CDC14B: variants seen among roughly 807,000 people sequenced by gnomAD.
The protein encoded by CDC14B is dual specificity protein phosphatase CDC14B.
Under a neutral mutation model 64.2 loss-of-function variants are expected in CDC14B, and 22 were observed. The ratio of observed to expected loss-of-function variants is 0.34; its 90% confidence interval spans 0.24 to 0.49. The LOEUF (loss-of-function observed/expected upper bound fraction) is 0.49, where lower values mean the gene tolerates loss of function less well. Ranked by LOEUF, CDC14B falls within the 20% of genes least tolerant of loss-of-function variation. The pLI is 0.99. For synonymous variants in CDC14B, 191 were observed against 215.8 expected, an observed-to-expected ratio of 0.89 and a Z score of 1.01; for missense variants, 498 against 629.9, an observed-to-expected ratio of 0.79 and a Z score of 2.24.
At chr9:96,533,269 T>G (rs1030669090) in intron 9 of CDC14B, among the ~76,000 whole-genome samples, 1 of 152,198 alleles carries the variant, frequency 6.6e-6, no homozygotes, top group Non-Finnish European at 1.5e-5. Flanking sequence ...ATGCCCGGCC[T>G]GGATTTATTT....
chr9:96,614,170 C>G (rs959355211), intron 1 of CDC14B, among the ~76,000 whole-genome samples: 3 of 152,052 alleles, frequency 2.0e-5, no homozygotes, highest in African/African-American at 7.2e-5. Flanking sequence ...AAATTTAACA[C>G]AAACCACCAA....
chr9:96,525,387 G>A (rs1837402919), intron 9 of CDC14B, among the ~76,000 whole-genome samples: 2 of 152,086 alleles, frequency 1.3e-5, no homozygotes, highest in Admixed American at 1.3e-4. Flanking sequence ...AGAAAAGGAA[G>A]GATGATCCCA....
chr9:96,578,395 G>A (rs540372017), intron 1 of CDC14B, among the ~76,000 whole-genome samples: 122 of 152,280 alleles, frequency 8.0e-4, no homozygotes, highest in African/African-American at 2.9e-3. Flanking sequence ...ATACAGTGTG[G>A]AAAGGGAAAA....
At chr9:96,616,763 T>C (rs1316546112) in intron 1 of CDC14B, among the ~76,000 whole-genome samples, 2 of 152,084 alleles carry the variant, frequency 1.3e-5, no homozygotes, top group East Asian at 3.9e-4. Context: ...TTTGACTTTT[T>C]AGAAGTGTGC....
At chr9:96,566,883 C>T in intron 1 of CDC14B, 3 of 1,562,854 alleles carry the variant, frequency 1.9e-6, no homozygotes, top group Non-Finnish European at 2.6e-6. Flanking sequence ...GGAGGCGCCG[C>T]GACCACACCC....
At chr9:96,615,666 A>G (rs1847580868) in intron 1 of CDC14B, among the ~76,000 whole-genome samples, 2 of 152,238 alleles carry the variant, frequency 1.3e-5, no homozygotes, top group African/African-American at 4.8e-5. Context: ...CGGCGTAGCC[A>G]TTCGGAAAAA....
chr9:96,586,136 T>C (rs1283195359), intron 1 of CDC14B, among the ~76,000 whole-genome samples: 1 of 152,088 alleles, frequency 6.6e-6, no homozygotes, highest in African/African-American at 2.4e-5. Context: ...AATCCATGCA[T>C]TTTACTGTAT....
At chr9:96,616,626 A>C (rs1847645235) in intron 1 of CDC14B, among the ~76,000 whole-genome samples, 3 of 151,748 alleles carry the variant, frequency 2.0e-5, no homozygotes, top group Admixed American at 6.6e-5. Context: ...TGGGAGGCTG[A>C]GGCAGGAGAA....
At chr9:96,587,186 AC>A (rs200993218) in intron 1 of CDC14B, among the ~76,000 whole-genome samples, 1 of 149,592 alleles carries the variant, frequency 6.7e-6, no homozygotes, top group African/African-American at 2.6e-5. Flanking sequence ...AACAAAAACA[AC>A]AAAAAAAAAG....
Position 96,515,912 on chromosome 9 carries a change from G to T in CDC14B, c.1344-6123C>A. 1.2e-6 allele frequency: 1 copy of T among 809,588 alleles called. No individual in the cohort carries two copies. Among genetic ancestry groups the T allele is most frequent in the Non-Finnish European group, 1.8e-6 (1 of 543,246 alleles). 50.2% of individuals were successfully genotyped at this position (809,588 alleles called of 1,614,324 possible). On this transcript the variant is annotated intron_variant, in intron 12 of 13. Transcript: ENST00000375241. This position sits in a 1 kb window ranked among gnomAD's most constrained non-coding sequence, Gnocchi z 4.3. ...AGACACCCTAAAAGCCCAGCCAACA[G>T]CAACAGGGATACAAAGGGGTGGTCA... is the stretch of plus-strand genomic sequence containing the variant.
At chr9:96,594,520 C>A (rs1845954909) in intron 1 of CDC14B, among the ~76,000 whole-genome samples, 1 of 151,838 alleles carries the variant, frequency 6.6e-6, no homozygotes, top group Admixed American at 6.6e-5. Context: ...AGTTTAAGAC[C>A]AGCCTAGGCA....
intron 5 of CDC14B, among the ~76,000 whole-genome samples, chr9:96,545,511 A>T (rs2131936017): frequency 6.6e-6 from 1 of 151,920 alleles, no homozygotes; most frequent in East Asian, 1.9e-4. Flanking sequence ...GTAGAGATGG[A>T]GTTTCACTGT....
At chr9:96,524,405 T>C (rs1256846322) in intron 9 of CDC14B, among the ~76,000 whole-genome samples, 1 of 152,222 alleles carries the variant, frequency 6.6e-6, no homozygotes. Flanking sequence ...AGAAAAACGG[T>C]ACCACCATCT....
At chr9:96,531,610 GT>G (rs1177042883) in intron 9 of CDC14B, among the ~76,000 whole-genome samples, 1 of 151,104 alleles carries the variant, frequency 6.6e-6, no homozygotes, top group African/African-American at 2.4e-5. Context: ...TTCTCTATTG[GT>G]TTTCTACTCT....
chr9:96,551,653 G>A, intron 5 of CDC14B, 143 bp downstream of exon 5: 1 of 1,184,448 alleles, frequency 8.4e-7, no homozygotes. Flanking sequence ...CAGTGTCACT[G>A]TGGAAAAACC....
At chr9:96,514,102 C>G (rs932739875) in intron 12 of CDC14B, among the ~76,000 whole-genome samples, 10 of 152,192 alleles carry the variant, frequency 6.6e-5, no homozygotes, top group African/African-American at 2.4e-4. Context: ...ACTGAATACT[C>G]TGCTTGGGTC....
chr9:96,606,786 G>A (rs920896518), intron 1 of CDC14B, among the ~76,000 whole-genome samples: 9 of 151,814 alleles, frequency 5.9e-5, no homozygotes, highest in Admixed American at 1.3e-4. Context: ...GACTGGTCTC[G>A]AACTCTCGAT....
At chr9:96,506,173 CA>C (rs912518632) in intron 13 of CDC14B, among the ~76,000 whole-genome samples, 8 of 152,090 alleles carry the variant, frequency 5.3e-5, no homozygotes, top group Non-Finnish European at 8.8e-5. Flanking sequence ...GAAAGGACCC[CA>C]AAAGGGTGCT....
intron 4 of CDC14B, among the ~76,000 whole-genome samples, chr9:96,561,583 G>A (rs893173004): frequency 6.6e-5 from 10 of 151,714 alleles, no homozygotes; most frequent in Non-Finnish European, 1.5e-4. Context: ...GGTTCACGAC[G>A]TTCTCTTCCC....
Sources: allele counts gnomAD v4.1 joint callset (sites outside exome capture counted in the v4.1 genomes callset), GRCh38; gene constraint gnomAD v4.1.1; non-coding constraint Gnocchi (gnomAD v3.1); transcripts MANE v1.5; gene names NCBI Gene and HGNC (gene_info 2026-07-23, HGNC 2026-07-21).